The following CNTNAP2 variants were observed in gnomAD, a reference collection of about 807,000 sequenced individuals.
CNTNAP2 encodes the protein contactin associated protein 2.
CNTNAP2 carries 98 observed loss-of-function variants against 155.2 expected under a neutral mutation model. That is an observed-to-expected ratio of 0.63 (90% CI 0.54 to 0.75). The LOEUF (loss-of-function observed/expected upper bound fraction) is 0.75. Ranked by LOEUF, CNTNAP2 falls within the 30% of genes least tolerant of loss-of-function variation. The pLI, the probability that CNTNAP2 is intolerant of heterozygous loss-of-function variation, is 0.00. For synonymous variants in CNTNAP2, 651 were observed against 631.2 expected (o/e 1.03, Z -0.47); for missense variants, 1,727 against 1,688.1 (o/e 1.02, Z -0.40).
chr7:146,866,129 C>T (rs900645109), intron 3 of CNTNAP2, among the ~76,000 whole-genome samples: 16 of 152,050 alleles, frequency 1.1e-4, no homozygotes, highest in Non-Finnish European at 2.1e-4. Flanking sequence ...ATGTTCCCCC[C>T]GACAGTTTCT....
chr7:147,350,043 C>T (rs1247808903), intron 9 of CNTNAP2, among the ~76,000 whole-genome samples: 1 of 151,798 alleles, frequency 6.6e-6, no homozygotes, highest in Non-Finnish European at 1.5e-5. Flanking sequence ...TAACATCATT[C>T]CTGTTATGTT....
intron 13 of CNTNAP2, among the ~76,000 whole-genome samples, chr7:147,837,239 C>G (rs1046829943): frequency 6.6e-6 from 1 of 152,150 alleles, no homozygotes; most frequent in Non-Finnish European, 1.5e-5. Flanking sequence ...GTGAAAGTCA[C>G]GTCTCACATG....
At chr7:146,345,280 A>G (rs929900051) in intron 1 of CNTNAP2, among the ~76,000 whole-genome samples, 1 of 152,102 alleles carries the variant, frequency 6.6e-6, no homozygotes, top group African/African-American at 2.4e-5. Context: ...ATCACTTTGC[A>G]TTTTTTCTCC....
chr7:146,274,100 A>G (rs1800127308), intron 1 of CNTNAP2, among the ~76,000 whole-genome samples: 1 of 152,176 alleles, frequency 6.6e-6, no homozygotes, highest in Non-Finnish European at 1.5e-5. Context: ...TATACCTTAT[A>G]TGCTCAGTAA....
intron 2 of CNTNAP2, among the ~76,000 whole-genome samples, chr7:146,795,265 T>A (rs1802748613): frequency 6.6e-6 from 1 of 152,340 alleles, no homozygotes; most frequent in East Asian, 1.9e-4. Context: ...CATTCAGTTC[T>A]GTATATCGAC....
intron 8 of CNTNAP2, among the ~76,000 whole-genome samples, chr7:147,240,184 G>A (rs943144256): frequency 6.6e-6 from 1 of 152,176 alleles, no homozygotes; most frequent in African/African-American, 2.4e-5. Context: ...TCAGCTGAGT[G>A]TCATGGCATG....
chr7:147,836,601 A>T lies in CNTNAP2; in HGVS notation c.2099-66964A>T, dbSNP rs530794470. Among the ~76,000 whole-genome samples, 88 of 152,206 alleles carry T rather than the reference A, an allele frequency of 5.8e-4. 2 individuals are homozygous for T. In the South Asian group the frequency reaches 0.018, roughly 31 times the overall value. On this transcript the variant is annotated intron_variant, in intron 13 of 23. Coordinates refer to ENST00000361727, the MANE Select transcript of CNTNAP2 (RefSeq NM_014141.6). ...CACCCTTTCCCTCTTCTTCACAGTC[A>T]TGATCATTGTTTGTAATTTTTCATT... is the stretch of plus-strand genomic sequence containing the variant.
Position 147,480,537 on chromosome 7 carries a change from A to T in CNTNAP2, c.1671-5398A>T, listed in dbSNP as rs1463608106. 5.3e-5 allele frequency among the ~76,000 whole-genome samples: 8 copies of T among 152,348 alleles called. No homozygotes were observed. In the East Asian group the frequency reaches 1.5e-3, roughly 29 times the overall value. On this transcript the variant is annotated intron_variant, in intron 10 of 23. Transcript: ENST00000361727. ...TGATCACTTTCTATGAATTATATGA[A>T]GTCTACAGTCAGGTGCAGAAATGAT...
intron 13 of CNTNAP2, among the ~76,000 whole-genome samples, chr7:147,702,491 G>T (rs1796250545): frequency 6.6e-6 from 1 of 151,794 alleles, no homozygotes; most frequent in African/African-American, 2.4e-5. Context: ...TAAGAATAAA[G>T]AATATTTAAA....
intron 3 of CNTNAP2, among the ~76,000 whole-genome samples, chr7:146,981,027 G>T (rs1028670371): frequency 1.9e-4 from 29 of 152,254 alleles, no homozygotes; most frequent in Middle Eastern, 3.4e-3. Flanking sequence ...CCATGGTTAT[G>T]CAAAGGAGCC....
At chr7:146,698,581 G>T (rs1800822187) in intron 1 of CNTNAP2, among the ~76,000 whole-genome samples, 1 of 152,046 alleles carries the variant, frequency 6.6e-6, no homozygotes, top group Admixed American at 6.6e-5. Flanking sequence ...GGAATATTAT[G>T]CCAGGAAGGA....
chr7:147,543,710 T>C (rs770555219), intron 11 of CNTNAP2, among the ~76,000 whole-genome samples: 3 of 152,198 alleles, frequency 2.0e-5, no homozygotes, highest in Non-Finnish European at 4.4e-5. Context: ...TGACAGAATT[T>C]ATATGAAGCT....
intron 1 of CNTNAP2, among the ~76,000 whole-genome samples, chr7:146,150,734 AT>A (rs1798024530): frequency 6.6e-6 from 1 of 152,034 alleles, no homozygotes; most frequent in African/African-American, 2.4e-5. Flanking sequence ...AATCTACTAC[AT>A]TTTTTGAATT....
At chr7:147,549,876 G>A (rs532905672) in intron 11 of CNTNAP2, among the ~76,000 whole-genome samples, 8 of 152,118 alleles carry the variant, frequency 5.3e-5, no homozygotes, top group South Asian at 2.1e-4. Flanking sequence ...AATAACACAC[G>A]CATTATATTT....
At chr7:147,749,101 GA>G (rs1390783982) in intron 13 of CNTNAP2, among the ~76,000 whole-genome samples, 1 of 152,124 alleles carries the variant, frequency 6.6e-6, no homozygotes, top group Non-Finnish European at 1.5e-5. Context: ...TATTTGGGGG[GA>G]AAGAATGATA....
intron 20 of CNTNAP2, among the ~76,000 whole-genome samples, chr7:148,254,775 CAAAAAA>C (rs55711921): frequency 2.5e-5 from 3 of 120,382 alleles, no homozygotes; most frequent in Admixed American, 8.5e-5. Context: ...GACTCCATCT[CAAAAAA>C]AAAAAAAAAA....
At chr7:147,410,662 A>C (rs1047833687) in intron 10 of CNTNAP2, among the ~76,000 whole-genome samples, 2 of 152,234 alleles carry the variant, frequency 1.3e-5, no homozygotes, top group African/African-American at 4.8e-5. Context: ...ATATGTGGCT[A>C]TTTCACACTT....
intron 16 of CNTNAP2, among the ~76,000 whole-genome samples, chr7:148,131,329 C>T (rs1355851117): frequency 2.0e-5 from 3 of 151,960 alleles, no homozygotes; most frequent in Admixed American, 1.3e-4. Flanking sequence ...AAACTCCTGA[C>T]CTTGTGATCT....
intron 21 of CNTNAP2, 40 bp downstream of exon 21, chr7:148,267,166 A>G (rs1472004135): frequency 6.6e-7 from 1 of 1,523,748 alleles, no homozygotes; most frequent in Non-Finnish European, 9.1e-7. Context: ...CGTGCTACAA[A>G]TACATTTGGG....
Sources: gnomAD v4.1 joint callset for allele counts (sites outside exome capture counted in the v4.1 genomes callset) on GRCh38, gnomAD v4.1.1 for gene constraint, MANE v1.5 for transcripts, NCBI Gene and HGNC (gene_info 2026-07-23, HGNC 2026-07-21) for gene names.